Variants in BBOF1 observed in about 807,000 individuals in gnomAD.
BBOF1 encodes the protein basal body orientation factor 1.
In BBOF1, 62 loss-of-function variants were observed where a neutral mutation model predicts 68.0. The observed-to-expected ratio is 0.91, with a 90% confidence interval of 0.74 to 1.13. BBOF1 has a LOEUF of 1.13. Among genes scored for constraint, BBOF1 ranks in the 50% most tolerant of loss-of-function variants. The pLI is 0.00. For synonymous variants in BBOF1, 208 were observed against 198.8 expected, an observed-to-expected ratio of 1.05 and a Z score of -0.39; for missense variants, 534 against 600.1, an observed-to-expected ratio of 0.89 and a Z score of 1.15.
chr14:74,065,737 G>T lies in BBOF1; in HGVS notation c.*1038G>T. The T allele has an allele frequency of 4.7e-6, 1 of 214,944 alleles. No individual in the cohort carries two copies. The highest frequency in any genetic ancestry group is 9.5e-6 in the Non-Finnish European group (1 of 105,606). 13.3% of individuals were successfully genotyped at this position (214,944 alleles called of 1,614,324 possible). A position where few individuals can be genotyped will look rare whatever the true frequency, so the allele number is the denominator to read the frequency against. ...AATCCAATCTATAGTAAATATACCA[G>T]GATAATTTTTCTCTTTACAGAAACC... On this transcript the variant is annotated 3_prime_UTR_variant, in exon 12 of 12. Transcript: ENST00000394009.
chr14:74,023,135 A>G lies in BBOF1; in HGVS notation c.276A>G (p.Lys92=), dbSNP rs766835679. The change falls in exon 2 of 12, where the codon AAA becomes AAG. Residue 92 remains lysine (K), a synonymous_variant. Transcript: ENST00000394009. ...ACCTGAAGAAGCAGGATCAGGAGAA[A>G]GATAATATGGTAGGTAGGTAGAAAG... ...LSYLKKQDQE[K]DNMIEKLKQQ... 6.4e-7 allele frequency: 1 copy of G among 1,574,608 alleles called. No homozygotes were observed. Among genetic ancestry groups the G allele is most frequent in the Non-Finnish European group, 8.6e-7 (1 of 1,158,092 alleles).
intron 4 of BBOF1, among the ~76,000 whole-genome samples, chr14:74,034,737 A>G (rs1299713952): frequency 1.3e-5 from 2 of 152,220 alleles, no homozygotes; most frequent in Non-Finnish European, 1.5e-5. Context: ...TTGTGACTAT[A>G]GGCAAGTTAC....
rs115885992 is a variant in BBOF1 at position 74,045,601 on chromosome 14, G to T, written c.577-459G>T. On this transcript the variant is annotated intron_variant, in intron 5 of 11. Coordinates refer to ENST00000394009, the MANE Select transcript of BBOF1 (RefSeq NM_025057.3). The stretch of plus-strand genomic sequence containing the variant: ...TGGGATTACAGGCGTGAGCCACCGC[G>T]CCCGGACAATGCTCATAGTAATTTT... Among the ~76,000 whole-genome samples the T allele has an allele frequency of 2.6e-3, 389 of 152,278 alleles. 3 individuals are homozygous for T. The highest frequency in any genetic ancestry group is 9.2e-3 in the African/African-American group (382 of 41,560).
Position 74,026,735 on chromosome 14 carries a change from G to A in BBOF1, c.286-2449G>A, listed in dbSNP as rs1566790965. ...AGGTCAGGAGTTCAAGACTAGACTG[G>A]CCAACATGGCAGAACCCTGTCTCTA... On this transcript the variant is annotated intron_variant, in intron 2 of 11. Transcript: ENST00000394009. Among the ~76,000 whole-genome samples the A allele has an allele frequency of 2.0e-5, 3 of 151,992 alleles. No individual in the cohort carries two copies. The East Asian group carries it at 5.9e-4, about 30-fold the overall frequency.
chr14:74,027,190 A>G (rs1468567793), intron 2 of BBOF1, among the ~76,000 whole-genome samples: 1 of 141,250 alleles, frequency 7.1e-6, no homozygotes, highest in African/African-American at 2.7e-5. Flanking sequence ...ACTGCAAAGG[A>G]TTCTCCTGCC....
chr14:74,036,062 C>CT (rs200639927), intron 4 of BBOF1, among the ~76,000 whole-genome samples: 1,597 of 146,284 alleles, frequency 0.011, 26 homozygotes, highest in Admixed American at 0.044. Context: ...TATCACAGTT[C>CT]TTTTTTTTTT....
Position 74,022,995 on chromosome 14 carries a change from A to C in BBOF1, c.136A>C (p.Thr46Pro), listed in dbSNP as rs879020715. ...ASLWEARLEV[T>P]ELSRIKYRDT... Reference sequence around the variant, plus strand: ...CCTTTGGGAGGCCAGGTTGGAAGTCACAGAACTCTCTAGGATTAAGTATCG... The same window carrying C: ...CCTTTGGGAGGCCAGGTTGGAAGTCCCAGAACTCTCTAGGATTAAGTATCG... Residue 46 changes from threonine (T) to proline (P), a missense_variant, in exon 2 of 12, where the codon ACA (threonine) becomes CCA (proline). Transcript: ENST00000394009. 1.9e-6 allele frequency: 3 copies of C among 1,613,230 alleles called. No individual in the cohort carries two copies. The South Asian group carries it at 3.3e-5, about 18-fold the overall frequency.
At chr14:74,072,230 G>A (rs1165169289) in intron 9 of BBOF1, 1 of 1,614,218 alleles carries the variant, frequency 6.2e-7, no homozygotes, top group South Asian at 1.1e-5. Flanking sequence ...GTTGTTGATA[G>A]CGGAGCAAGA....
chr14:74,023,713 C>T lies in BBOF1; in HGVS notation c.285+569C>T, dbSNP rs532327176. Among the ~76,000 whole-genome samples the T allele has an allele frequency of 3.9e-4, 60 of 151,984 alleles. 1 individual carries two copies. The South Asian group carries it at 0.01, about 26-fold the overall frequency. ...GGCAGATTGCCTGAGCCCAGGAGTT[C>T]GTGACCAGCCTGGGCAACACAGTGA... On this transcript the variant is annotated intron_variant, in intron 2 of 11. Transcript: ENST00000394009.
chr14:74,060,856 G>A, intron 11 of BBOF1: 1 of 772,922 alleles, frequency 1.3e-6, no homozygotes, highest in Non-Finnish European at 2.3e-6. Flanking sequence ...TCCTAATTGA[G>A]AAATGCAATC....
At chr14:74,021,048 G>C (rs966942644) in intron 1 of BBOF1, among the ~76,000 whole-genome samples, 2 of 152,158 alleles carry the variant, frequency 1.3e-5, no homozygotes, top group African/African-American at 4.8e-5. Context: ...AGTGGATGTG[G>C]AGGGTGGCAG....
intron 11 of BBOF1, 23 bp from the exon 12 acceptor site, chr14:74,064,662 TTTG>T: frequency 6.2e-7 from 1 of 1,613,644 alleles, no homozygotes; most frequent in Non-Finnish European, 8.5e-7. Context: ...TTGGCAAAAT[TTTG>T]TTAACTTTTA....
intron 2 of BBOF1, among the ~76,000 whole-genome samples, chr14:74,026,704 C>G (rs1290793164): frequency 6.6e-6 from 1 of 151,980 alleles, no homozygotes; most frequent in Middle Eastern, 3.2e-3. Flanking sequence ...GTGGGCAGAT[C>G]ACCTGAGGTC....
In BBOF1 at chr14:74,019,521, G is replaced by C; in HGVS notation, c.43G>C (p.Gly15Arg). 6.2e-7 allele frequency: 1 copy of C among 1,602,352 alleles called. No individual in the cohort carries two copies. The highest frequency in any genetic ancestry group is 8.5e-7 in the Non-Finnish European group (1 of 1,174,376). Reference sequence around the variant, plus strand: ...GGACAAAAAGAAAGGCAAGAGCAAAGGCAAAGACACGAAGTAAGGAGAAGC... The same window carrying C: ...GGACAAAAAGAAAGGCAAGAGCAAACGCAAAGACACGAAGTAAGGAGAAGC... The part of the protein sequence containing the change: ...GKDKKKGKSK[G>R]KDTKKLIKTD... Residue 15 changes from glycine to arginine, a missense_variant, in exon 1 of 12, where the codon GGC becomes CGC. Coordinates refer to ENST00000394009, the MANE Select transcript of BBOF1 (RefSeq NM_025057.3).
intron 11 of BBOF1, chr14:74,059,923 AAAAG>A (rs1441448117): frequency 6.5e-6 from 1 of 153,400 alleles, no homozygotes; most frequent in Non-Finnish European, 1.5e-5. Context: ...CATTGAGCAG[AAAAG>A]AAAGAAGCTG....
In BBOF1 at chr14:74,028,470, A is replaced by T. The variant is rs546857881; in HGVS notation, c.286-714A>T. On this transcript the variant is annotated intron_variant, in intron 2 of 11. Transcript: ENST00000394009. Reference sequence around the variant, plus strand: ...TTACCCTTTACCACTAAAGAAATACACACACACACACACACACACACACAC... The same window carrying T: ...TTACCCTTTACCACTAAAGAAATACTCACACACACACACACACACACACAC... Among the ~76,000 whole-genome samples the T allele has an allele frequency of 9.7e-4, 18 of 18,602 alleles. No individual in the cohort carries two copies. In the South Asian group the frequency reaches 0.011, roughly 11 times the overall value. The allele number at this position is 18,602 out of a possible 152,430, so 12.2% of individuals were successfully genotyped here.
chr14:74,020,193 A>C (rs1475360472), intron 1 of BBOF1, among the ~76,000 whole-genome samples: 1 of 152,126 alleles, frequency 6.6e-6, no homozygotes, highest in Non-Finnish European at 1.5e-5. Flanking sequence ...GTACATACTT[A>C]TATGTGGCTT....
Position 74,049,812 on chromosome 14 carries a change from C to T in BBOF1, c.903C>T (p.Tyr301=), listed in dbSNP as rs775646926. The T allele has an allele frequency of 6.2e-7, 1 of 1,614,168 alleles. No individual in the cohort carries two copies. Among genetic ancestry groups the T allele is most frequent in the East Asian group, 2.2e-5 (1 of 44,880 alleles). Residue 301 remains tyrosine (Y), a synonymous_variant, in exon 8 of 12, where the codon TAC becomes TAT. Coordinates refer to ENST00000394009, the MANE Select transcript of BBOF1 (RefSeq NM_025057.3). ...KVVNLETALS[Y]MTKEFESEVL... Reference sequence around the variant, plus strand: ...TAAACTTGGAGACTGCTCTGAGTTACATGACCAAAGAGTTTGAGAGTGAAG... The same window carrying T: ...TAAACTTGGAGACTGCTCTGAGTTATATGACCAAAGAGTTTGAGAGTGAAG...
At chr14:74,036,975 T>A (rs1370406636) in intron 4 of BBOF1, among the ~76,000 whole-genome samples, 2 of 138,376 alleles carry the variant, frequency 1.4e-5, no homozygotes, top group South Asian at 2.2e-4. Flanking sequence ...TCTTTTTTCT[T>A]TTTTTTTTTT....
Sources: allele counts gnomAD v4.1 joint callset (sites outside exome capture counted in the v4.1 genomes callset), GRCh38; gene constraint gnomAD v4.1.1; transcripts MANE v1.5; gene names NCBI Gene and HGNC (gene_info 2026-07-23, HGNC 2026-07-21).